The following RIMS2 variants were observed in gnomAD, a reference collection of about 807,000 sequenced individuals.
RIMS2 encodes regulating synaptic membrane exocytosis protein 2.
A neutral mutation model predicts 174.4 loss-of-function variants in RIMS2; 59 were observed. The ratio of observed to expected loss-of-function variants is 0.34; its 90% CI spans 0.27 to 0.42. RIMS2 has a LOEUF of 0.42. Ranked by LOEUF, RIMS2 falls within the 10% of genes least tolerant of loss-of-function variation. The pLI, the probability that RIMS2 is intolerant of heterozygous loss-of-function variation, is 1.00. For synonymous variants in RIMS2, 606 were observed against 572.5 expected, an observed-to-expected ratio of 1.06 and a Z score of -0.84; for missense variants, 1,620 against 1,666.3, an observed-to-expected ratio of 0.97 and a Z score of 0.48.
chr8:104,071,771 C>T (rs1449464776), intron 19 of RIMS2, among the ~76,000 whole-genome samples: 2 of 152,106 alleles, frequency 1.3e-5, no homozygotes, highest in Non-Finnish European at 2.9e-5. Context: ...TCAGATGATT[C>T]TGATGTAGAC....
intron 2 of RIMS2, among the ~76,000 whole-genome samples, chr8:103,751,310 T>C (rs2097888172): frequency 6.6e-6 from 1 of 151,946 alleles, no homozygotes; most frequent in African/African-American, 2.4e-5. Flanking sequence ...TATTCCATGG[T>C]GTATATGTGC....
chr8:103,707,885 C>T (rs564556759), intron 2 of RIMS2, among the ~76,000 whole-genome samples: 2 of 152,278 alleles, frequency 1.3e-5, no homozygotes, highest in Non-Finnish European at 2.9e-5. Flanking sequence ...GCCTAGGGTG[C>T]GTCTAGAAGG....
chr8:104,054,182 A>C (rs528028256), intron 19 of RIMS2, among the ~76,000 whole-genome samples: 5 of 152,130 alleles, frequency 3.3e-5, no homozygotes, highest in Non-Finnish European at 5.9e-5. Context: ...ACCCCATCTA[A>C]TTGTTAATTC....
chr8:103,994,656 A>G (rs1278473233), intron 17 of RIMS2, among the ~76,000 whole-genome samples: 1 of 152,148 alleles, frequency 6.6e-6, no homozygotes, highest in African/African-American at 2.4e-5. Flanking sequence ...TGTGGACCTT[A>G]GGTAGATTTT....
intron 19 of RIMS2, among the ~76,000 whole-genome samples, chr8:104,170,951 A>T (rs1482773597): frequency 6.6e-6 from 1 of 152,102 alleles, no homozygotes; most frequent in Admixed American, 6.5e-5. Context: ...GCTGACAGTT[A>T]TTTTGTTTAA....
chr8:104,224,715 A>G (rs1419407761), intron 19 of RIMS2, among the ~76,000 whole-genome samples: 1 of 152,192 alleles, frequency 6.6e-6, no homozygotes, highest in East Asian at 1.9e-4. Context: ...GGACATCTGT[A>G]GTGAGCCCTG....
chr8:104,208,577 G>GA (rs35821957), intron 19 of RIMS2, among the ~76,000 whole-genome samples: 5 of 147,342 alleles, frequency 3.4e-5, no homozygotes, highest in Admixed American at 6.8e-5. Context: ...CAAAAAAAAA[G>GA]AAAAAAAAAA....
chr8:103,973,587 G>T (rs2093128721), intron 15 of RIMS2, among the ~76,000 whole-genome samples: 1 of 152,164 alleles, frequency 6.6e-6, no homozygotes, highest in Non-Finnish European at 1.5e-5. Flanking sequence ...GGATAAGTCT[G>T]CAAAGTTATG....
At chr8:104,133,969 C>T (rs2098495955) in intron 19 of RIMS2, among the ~76,000 whole-genome samples, 1 of 151,942 alleles carries the variant, frequency 6.6e-6, no homozygotes, top group South Asian at 2.1e-4. Context: ...TACAACTAGG[C>T]AACTGGGTAG....
chr8:103,849,489 T>G (rs1316453502), intron 3 of RIMS2, among the ~76,000 whole-genome samples: 1 of 152,000 alleles, frequency 6.6e-6, no homozygotes, highest in Non-Finnish European at 1.5e-5. Flanking sequence ...CGCTGTGTGT[T>G]TATGGGGAAG....
At chr8:104,119,373 AC>A (rs1184519276) in intron 19 of RIMS2, among the ~76,000 whole-genome samples, 1 of 151,426 alleles carries the variant, frequency 6.6e-6, no homozygotes, top group African/African-American at 2.4e-5. Flanking sequence ...AACAAAAAAA[AC>A]AAAAAAAACC....
intron 3 of RIMS2, among the ~76,000 whole-genome samples, chr8:103,779,645 T>C (rs2154432391): frequency 1.3e-5 from 2 of 150,942 alleles, no homozygotes; most frequent in South Asian, 2.1e-4. Context: ...GAGCAAACTA[T>C]TGCAAAGACA....
At chr8:104,081,130 G>A (rs1034778075) in intron 19 of RIMS2, among the ~76,000 whole-genome samples, 1 of 151,804 alleles carries the variant, frequency 6.6e-6, no homozygotes, top group Non-Finnish European at 1.5e-5. Flanking sequence ...CAAAGAAATC[G>A]CTGTGATTTT....
intron 3 of RIMS2, among the ~76,000 whole-genome samples, chr8:103,882,508 G>T (rs1401839357): frequency 6.6e-6 from 1 of 151,480 alleles, no homozygotes; most frequent in African/African-American, 2.4e-5. Flanking sequence ...ACCTTAAAGG[G>T]TATTCTTGAA....
intron 3 of RIMS2, chr8:103,819,581 C>A (rs752733035): frequency 6.2e-7 from 1 of 1,613,448 alleles, no homozygotes; most frequent in South Asian, 1.1e-5. Context: ...TCATCCCCAC[C>A]AAATATCTTA....
intron 11 of RIMS2, among the ~76,000 whole-genome samples, chr8:103,930,182 AAAAAAGATAGAAAT>A (rs2079624897): frequency 6.6e-6 from 1 of 152,042 alleles, no homozygotes; most frequent in South Asian, 2.1e-4. Context: ...ATTTGGCAAA[AAAAAAGATAGAAAT>A]AATTTTATAT....
At chr8:104,019,329 C>T (rs1291467749) in intron 19 of RIMS2, among the ~76,000 whole-genome samples, 2 of 152,118 alleles carry the variant, frequency 1.3e-5, no homozygotes, top group Non-Finnish European at 2.9e-5. Flanking sequence ...TTAATTGTAA[C>T]TTTCTTTGAA....
intron 19 of RIMS2, among the ~76,000 whole-genome samples, chr8:104,232,389 A>T (rs2099235314): frequency 6.6e-6 from 1 of 152,242 alleles, no homozygotes; most frequent in Admixed American, 6.5e-5. Flanking sequence ...TCTATCATAC[A>T]TTACAAAGAA....
At chr8:103,546,498 T>C (rs1199939091) in intron 1 of RIMS2, among the ~76,000 whole-genome samples, 1 of 152,078 alleles carries the variant, frequency 6.6e-6, no homozygotes, top group Non-Finnish European at 1.5e-5. Flanking sequence ...ACAAAGATAT[T>C]TGTGACCTGA....
Sources: allele counts gnomAD v4.1 joint callset (sites outside exome capture counted in the v4.1 genomes callset), GRCh38; gene constraint gnomAD v4.1.1; transcripts MANE v1.5; gene names NCBI Gene and HGNC (gene_info 2026-07-23, HGNC 2026-07-21).